Variants in NDUFA10 observed in about 807,000 individuals in gnomAD.
The protein encoded by NDUFA10 is NADH dehydrogenase [ubiquinone] 1 alpha subcomplex subunit 10, mitochondrial.
Under a neutral mutation model 47.8 loss-of-function variants are expected in NDUFA10, and 40 were observed. That is an observed-to-expected ratio of 0.84 (90% CI 0.65 to 1.09). The LOEUF is 1.09. NDUFA10 is among the 50% of genes least tolerant of loss of function. The pLI is 0.00. For synonymous variants in NDUFA10, 183 were observed against 172.2 expected (o/e 1.06, Z -0.49); for missense variants, 413 against 451.1 (o/e 0.92, Z 0.76).
chr2:239,951,797 GC>G (rs1337503868), intron 4 of NDUFA10, among the ~76,000 whole-genome samples: 2 of 152,274 alleles, frequency 1.3e-5, no homozygotes, highest in African/African-American at 4.8e-5. Context: ...GGGGAAACAA[GC>G]CAGAGGGGTT....
chr2:240,018,278 TG>T (rs1386239930), intron 4 of NDUFA10: 6 of 829,946 alleles, frequency 7.2e-6, no homozygotes, highest in Non-Finnish European at 1.1e-5. Flanking sequence ...CGGGAGGCTG[TG>T]GGGGCTGCAC....
intron 5 of NDUFA10, 90 bp from the exon 6 acceptor site, chr2:240,011,786 A>C (rs1697155445): frequency 8.6e-7 from 1 of 1,163,508 alleles, no homozygotes. Context: ...ACAATCACTG[A>C]CCACCATTTT....
chr2:239,961,027 C>G lies in NDUFA10; in HGVS notation c.*91G>C. 1.9e-6 allele frequency: 3 copies of G among 1,592,336 alleles called. No individual in the cohort carries two copies. The South Asian group carries it at 3.4e-5, about 18-fold the overall frequency. On this transcript the variant is annotated 3_prime_UTR_variant, in exon 10 of 10. Coordinates refer to ENST00000252711, the MANE Select transcript of NDUFA10 (RefSeq NM_004544.4). ...TGCAATTTTTGCATTATTTACCCTC[C>G]CCCGATCTTAAAGCTATATGGCGTC...
At chr2:239,920,472 G>A (rs138526320) in intron 4 of NDUFA10, among the ~76,000 whole-genome samples, 3 of 152,230 alleles carry the variant, frequency 2.0e-5, no homozygotes, top group African/African-American at 4.8e-5. Flanking sequence ...AAATCAAAAG[G>A]CTTCAGCAGC....
At chr2:239,912,694 C>G (rs1246054118) in intron 4 of NDUFA10, among the ~76,000 whole-genome samples, 1 of 152,176 alleles carries the variant, frequency 6.6e-6, no homozygotes, top group Non-Finnish European at 1.5e-5. Flanking sequence ...CACACATACC[C>G]CTATCCCTGC....
At chr2:239,935,222 C>A (rs1253079209) in intron 4 of NDUFA10, among the ~76,000 whole-genome samples, 1 of 152,214 alleles carries the variant, frequency 6.6e-6, no homozygotes, top group Non-Finnish European at 1.5e-5. Flanking sequence ...GCCCTCGTTT[C>A]CCCCAGTCCC....
rs1212210416 is a variant in NDUFA10, at chr2:240,025,197, C to CGCCACCCT, written c.75+22_75+29dup. On this transcript the variant is annotated intron_variant, in intron 1 of 9. Coordinates refer to ENST00000252711, the MANE Select transcript of NDUFA10 (RefSeq NM_004544.4). ...CCGCCACCCCGCCACCCTGCCACCC[C>CGCCACCCT]GCCACCCTGCCACCCCGCCGCCCGC... The CGCCACCCT allele has an allele frequency of 3.5e-6, 5 of 1,441,916 alleles. No individual in the cohort carries two copies. The African/African-American group carries it at 7.5e-5, about 22-fold the overall frequency. The allele number at this position is 1,441,916 out of a possible 1,614,324, so 89.3% of individuals were successfully genotyped here.
downstream of NDUFA10, among the ~76,000 whole-genome samples, chr2:239,955,978 C>T (rs559671051): frequency 3.0e-4 from 45 of 152,078 alleles, no homozygotes; most frequent in East Asian, 1.5e-3. Context: ...GAGGCAGGGG[C>T]GACAGCAGGG....
In NDUFA10 at chr2:239,957,634, ATTAGAACCCTT is replaced by A. The variant is rs1694694205; in HGVS notation, c.*3473_*3483del. 1 of 152,274 alleles carries A rather than the reference ATTAGAACCCTT, an allele frequency of 6.6e-6. No homozygotes were observed. The highest frequency in any genetic ancestry group is 2.4e-5 in the African/African-American group (1 of 41,466). 9.4% of individuals were successfully genotyped at this position (152,274 alleles called of 1,614,324 possible). A position where few individuals can be genotyped will look rare whatever the true frequency, so the allele number is the denominator to read the frequency against. On this transcript the variant is annotated 3_prime_UTR_variant, in exon 10 of 10. Coordinates refer to ENST00000252711, the MANE Select transcript of NDUFA10 (RefSeq NM_004544.4). ...ATTTGACAGTTTCATTTGTCTTCCTATTAGAACCCTTAAATCAGCCTCCTTCAAGCAAGCGC... is the reference window on the plus strand; with the variant it reads ...ATTTGACAGTTTCATTTGTCTTCCTAAAATCAGCCTCCTTCAAGCAAGCGC...
intron 8 of NDUFA10, 68 bp downstream of exon 8, chr2:240,005,142 T>G (rs1002397443): frequency 2.2e-6 from 3 of 1,354,478 alleles, no homozygotes; most frequent in Non-Finnish European, 3.2e-6. Context: ...TATTTCAAAC[T>G]TCCCTAAGTT....
intron 4 of NDUFA10, among the ~76,000 whole-genome samples, chr2:239,940,963 G>A (rs1395198459): frequency 6.6e-6 from 1 of 152,202 alleles, no homozygotes; most frequent in Non-Finnish European, 1.5e-5. Flanking sequence ...ACAGTTTTCT[G>A]TGAACCACAG....
rs533545946 is a variant in NDUFA10 at position 239,966,109 on chromosome 2, T to C, written c.1000-4923A>G. 2.6e-5 allele frequency among the ~76,000 whole-genome samples: 4 copies of C among 152,310 alleles called. No individual in the cohort carries two copies. In the South Asian group the frequency reaches 8.3e-4, roughly 32 times the overall value. On this transcript the variant is annotated intron_variant, in intron 9 of 9. Transcript: ENST00000252711. Reference sequence around the variant, plus strand: ...CTGCCCTCCACCCATGACCCTGGCGTGTGTCAGTCCCTGGTGGCCCACCGG... The same window carrying C: ...CTGCCCTCCACCCATGACCCTGGCGCGTGTCAGTCCCTGGTGGCCCACCGG...
Position 239,960,684 on chromosome 2 carries a change from G to A in NDUFA10, c.*434C>T, listed in dbSNP as rs371357946. ...CCAAACAGGGCCCAGAGCAGCGTGT[G>A]TGCACGTGTGCAGTTTCGACGTGCC... On this transcript the variant is annotated 3_prime_UTR_variant, in exon 10 of 10. Transcript: ENST00000252711. 1.7e-6 allele frequency: 2 copies of A among 1,148,548 alleles called. No homozygotes were observed. The highest frequency in any genetic ancestry group is 1.9e-5 in the South Asian group (1 of 51,290). The allele number at this position is 1,148,548 out of a possible 1,614,324, so 71.1% of individuals were successfully genotyped here.
intron 9 of NDUFA10, among the ~76,000 whole-genome samples, chr2:239,972,184 T>C (rs1204090932): frequency 6.6e-6 from 1 of 152,182 alleles, no homozygotes; most frequent in South Asian, 2.1e-4. Flanking sequence ...TGTATACATA[T>C]ATTTGTAAAT....
rs367634732 is a variant in NDUFA10 at position 240,014,262 on chromosome 2, G to A, written c.669+477C>T. 22 of 235,250 alleles carry A rather than the reference G, an allele frequency of 9.4e-5. No homozygotes were observed. The South Asian group carries it at 1.3e-3, about 14-fold the overall frequency. The allele number at this position is 235,250 out of a possible 1,614,324, so 14.6% of individuals were successfully genotyped here. On this transcript the variant is annotated intron_variant, in intron 5 of 9. Transcript: ENST00000252711. ...TACAAAGAGTAAATGGATGTGTGTG[G>A]ATATCACTGCTCTACTGTTCTAGAA...
At chr2:239,972,950 C>T (rs1267956660) in intron 9 of NDUFA10, among the ~76,000 whole-genome samples, 1 of 152,202 alleles carries the variant, frequency 6.6e-6, no homozygotes, top group African/African-American at 2.4e-5. Flanking sequence ...CAGTATCTTA[C>T]CACTTTCCAT....
chr2:239,937,759 G>C (rs776085815), intron 4 of NDUFA10, among the ~76,000 whole-genome samples: 1 of 152,186 alleles, frequency 6.6e-6, no homozygotes, highest in Non-Finnish European at 1.5e-5. Context: ...CAAAGCAGCA[G>C]GGCCATTTTA....
At chr2:239,922,965 A>G (rs1005834778) in intron 4 of NDUFA10, among the ~76,000 whole-genome samples, 1 of 152,226 alleles carries the variant, frequency 6.6e-6, no homozygotes, top group Non-Finnish European at 1.5e-5. Context: ...GGTAAATTAG[A>G]AGTAAAGGAT....
At chr2:239,995,117 T>C (rs1438705469) in intron 8 of NDUFA10, among the ~76,000 whole-genome samples, 1 of 151,914 alleles carries the variant, frequency 6.6e-6, no homozygotes, top group African/African-American at 2.4e-5. Context: ...CTACTAAAAA[T>C]ACAAAAATTA....
Sources: gnomAD v4.1 joint callset for allele counts (sites outside exome capture counted in the v4.1 genomes callset) on GRCh38, gnomAD v4.1.1 for gene constraint, MANE v1.5 for transcripts, NCBI Gene and HGNC (gene_info 2026-07-23, HGNC 2026-07-21) for gene names.